BAZ2B: variants seen among roughly 807,000 people sequenced by gnomAD.
The protein encoded by BAZ2B is bromodomain adjacent to zinc finger domain 2B.
BAZ2B carries 91 observed loss-of-function variants against 246.0 expected under a neutral mutation model. That is an observed-to-expected ratio of 0.37 (90% confidence interval 0.31 to 0.44). BAZ2B has a LOEUF of 0.44. Ranked by LOEUF, BAZ2B falls within the 20% of genes least tolerant of loss-of-function variation. The pLI, the probability that BAZ2B is intolerant of heterozygous loss-of-function variation, is 1.00. For missense variants in BAZ2B, 2,332 were observed against 2,533.7 expected (o/e 0.92, Z 1.71); for synonymous variants, 855 against 860.0 (o/e 0.99, Z 0.10).
chr2:159,570,338 C>T (rs979129587), intron 1 of BAZ2B, among the ~76,000 whole-genome samples: 2 of 152,088 alleles, frequency 1.3e-5, no homozygotes, highest in African/African-American at 4.8e-5. Flanking sequence ...GCGCACGCCA[C>T]CATGCCTGGC....
intron 3 of BAZ2B, among the ~76,000 whole-genome samples, chr2:159,456,004 T>G (rs960761760): frequency 2.0e-5 from 3 of 151,984 alleles, no homozygotes; most frequent in African/African-American, 7.2e-5. Flanking sequence ...CAAGTTGAAC[T>G]GAACATTGCA....
At chr2:159,460,927 A>G (rs1053416995) in intron 3 of BAZ2B, 4 of 152,378 alleles carry the variant, frequency 2.6e-5, no homozygotes, top group Admixed American at 1.3e-4. Flanking sequence ...ACCTTTATAT[A>G]TAATTTTAGA....
chr2:159,567,182 G>T (rs1682826029), intron 1 of BAZ2B, among the ~76,000 whole-genome samples: 1 of 152,008 alleles, frequency 6.6e-6, no homozygotes, highest in African/African-American at 2.4e-5. Context: ...AGCAGAGGTT[G>T]TAGTGAGCCG....
At chr2:159,617,793 A>G (rs1579013424), upstream of BAZ2B, among the ~76,000 whole-genome samples, 1 of 152,064 alleles carries the variant, frequency 6.6e-6, no homozygotes, top group East Asian at 1.9e-4. Context: ...AAAGCTTGGC[A>G]GACTCGGTCT....
At chr2:159,339,068 T>C (rs2052434) in intron 31 of BAZ2B, among the ~76,000 whole-genome samples, 138,102 of 152,174 alleles carry the variant, frequency 0.91, 64,223 homozygotes, top group East Asian at 1. Flanking sequence ...AACATCTCTT[T>C]AGATATAATT....
chr2:159,382,461 A>T (rs560850796), intron 25 of BAZ2B, 98 bp downstream of exon 25: 615 of 1,292,768 alleles, frequency 4.8e-4, no homozygotes, highest in Non-Finnish European at 6.0e-4. Flanking sequence ...TAAATGTCAA[A>T]ACTGAATTCA....
At chr2:159,411,777 TTGATAAA>T (rs1396196173) in intron 14 of BAZ2B, 8 of 216,732 alleles carry the variant, frequency 3.7e-5, no homozygotes, top group Non-Finnish European at 4.7e-5. Context: ...CACTTTGAGC[TTGATAAA>T]TGATAATTTC....
At chr2:159,679,177 C>T in the BAZ2B span, among the ~76,000 whole-genome samples, 2 of 144,030 alleles carry the variant, frequency 1.4e-5, no homozygotes, top group Admixed American at 1.5e-4. Context: ...GAGGCTGAGG[C>T]AGGAGAATGG....
intron 31 of BAZ2B, among the ~76,000 whole-genome samples, chr2:159,344,636 G>C (rs868557812): frequency 3.9e-5 from 6 of 151,946 alleles, no homozygotes; most frequent in Non-Finnish European, 8.8e-5. Context: ...TTCAACAACA[G>C]ATAAATGGAT....
rs558824807 is a variant in BAZ2B at position 159,486,666 on chromosome 2, C to T, written c.-2-7945G>A. Among the ~76,000 whole-genome samples the T allele has an allele frequency of 1.1e-4, 17 of 150,422 alleles. No homozygotes were observed. The South Asian group carries it at 3.6e-3, about 31-fold the overall frequency. The stretch of plus-strand genomic sequence containing the variant: ...TTTTTAGTATTACCACTTTCCTACT[C>T]AAAAGTCTTCAAAGGAATATATATC... On this transcript the variant is annotated intron_variant, in intron 2 of 36. Coordinates refer to ENST00000392783, the MANE Select transcript of BAZ2B (RefSeq NM_013450.4).
At chr2:159,531,125 G>A (rs1471770263) in intron 2 of BAZ2B, among the ~76,000 whole-genome samples, 3 of 152,064 alleles carry the variant, frequency 2.0e-5, no homozygotes, top group African/African-American at 4.8e-5. Context: ...TGGGTATTAT[G>A]TTTTATTTAA....
intron 1 of BAZ2B, among the ~76,000 whole-genome samples, chr2:159,614,796 A>G (rs189736933): frequency 5.0e-4 from 76 of 152,342 alleles, no homozygotes; most frequent in African/African-American, 1.7e-3. Flanking sequence ...AGTAACCTGT[A>G]AGTTACACAA....
intron 2 of BAZ2B, among the ~76,000 whole-genome samples, chr2:159,491,854 C>A (rs1251874066): frequency 6.7e-6 from 1 of 150,084 alleles, no homozygotes; most frequent in East Asian, 2.0e-4. Context: ...AGTCAAAATT[C>A]TCCTATTAAT....
At chr2:159,607,674 A>G (rs1693815746) in intron 1 of BAZ2B, among the ~76,000 whole-genome samples, 1 of 152,210 alleles carries the variant, frequency 6.6e-6, no homozygotes. Context: ...GCTCTAATAT[A>G]GAGCTCTAGC....
intron 31 of BAZ2B, among the ~76,000 whole-genome samples, chr2:159,344,224 G>A (rs916733981): frequency 2.6e-5 from 4 of 151,824 alleles, no homozygotes; most frequent in African/African-American, 9.7e-5. Flanking sequence ...TTATCCAAAG[G>A]AAAAGAAAAT....
At chr2:159,364,127 G>A (rs962790146) in intron 27 of BAZ2B, among the ~76,000 whole-genome samples, 5 of 152,066 alleles carry the variant, frequency 3.3e-5, no homozygotes, top group African/African-American at 1.2e-4. Context: ...TCTTCCAAGG[G>A]ATCCCTAACC....
At chr2:159,355,157 A>C (rs1334178441) in intron 27 of BAZ2B, among the ~76,000 whole-genome samples, 1 of 152,194 alleles carries the variant, frequency 6.6e-6, no homozygotes, top group African/African-American at 2.4e-5. Flanking sequence ...GAAAAAGAAA[A>C]AGCAAGAAAT....
At chr2:159,711,308 C>T in the BAZ2B span, among the ~76,000 whole-genome samples, 1 of 152,086 alleles carries the variant, frequency 6.6e-6, no homozygotes, top group Non-Finnish European at 1.5e-5. Flanking sequence ...CATTTCATAT[C>T]CTAAAAGTTA....
At chr2:159,413,685 A>G (rs2067185339) in intron 13 of BAZ2B, among the ~76,000 whole-genome samples, 1 of 152,020 alleles carries the variant, frequency 6.6e-6, no homozygotes, top group African/African-American at 2.4e-5. Context: ...TCCAGCCTGC[A>G]GGATAAGAGC....
Sources: gnomAD v4.1 joint callset for allele counts (sites outside exome capture counted in the v4.1 genomes callset) on GRCh38, gnomAD v4.1.1 for gene constraint, MANE v1.5 for transcripts, NCBI Gene and HGNC (gene_info 2026-07-23, HGNC 2026-07-21) for gene names.